USP24: variants seen among roughly 807,000 people sequenced by gnomAD.
The protein encoded by USP24 is ubiquitin carboxyl-terminal hydrolase 24.
A neutral mutation model predicts 361.6 loss-of-function variants in USP24; 97 were observed. The ratio of observed to expected loss-of-function variants is 0.27; its 90% confidence interval spans 0.23 to 0.32. The LOEUF (loss-of-function observed/expected upper bound fraction) is 0.32. Ranked by LOEUF, USP24 falls within the 10% of genes least tolerant of loss-of-function variation. The probability of loss-of-function intolerance (pLI) is 1.00; values close to 1 mark genes in which losing one functional copy is unlikely to be tolerated. For synonymous variants in USP24, 1,098 were observed against 1,124.6 expected, an observed-to-expected ratio of 0.98 and a Z score of 0.47; for missense variants, 2,353 against 3,165.6, an observed-to-expected ratio of 0.74 and a Z score of 6.16.
In USP24 at chr1:55,214,874, G is replaced by A; in HGVS notation, c.240C>T (p.Gly80=). 2 of 1,220,718 alleles carry A rather than the reference G, an allele frequency of 1.6e-6. No homozygotes were observed. The highest frequency in any genetic ancestry group is 2.1e-6 in the Non-Finnish European group (2 of 974,952). The allele number at this position is 1,220,718 out of a possible 1,614,324, so 75.6% of individuals were successfully genotyped here. The part of the protein sequence containing the change: ...PRGDGGGDGG[G]GGPSRGGSTG... ...TGCTCCCGCCGCGGGAGGGGCCGCC[G>A]CCGCCGCCGTCACCTCCGCCGTCGC... Residue 80 remains glycine (G), a synonymous_variant, in exon 1 of 68, where the codon GGC becomes GGT. Transcript: ENST00000294383.
intron 61 of USP24, 84 bp downstream of exon 61, chr1:55,078,454 C>T: frequency 1.0e-6 from 1 of 996,196 alleles, no homozygotes. Flanking sequence ...TGAGAACAAG[C>T]ATACTGCCTT....
chr1:55,168,583 G>C lies in USP24; in HGVS notation c.826-1980C>G, dbSNP rs533111780. Among the ~76,000 whole-genome samples, 130 of 152,138 alleles carry C rather than the reference G, an allele frequency of 8.5e-4. 2 individuals carry two copies. The highest frequency in any genetic ancestry group is 2.9e-3 in the Admixed American group (45 of 15,258). On this transcript the variant is annotated intron_variant, in intron 5 of 67. Transcript: ENST00000294383. Reference sequence around the variant, plus strand: ...AGAAAAGGACATCAACCCCAGGTGGGACAGGGTGACTCAAGAAGGAAATGC... The same window carrying C: ...AGAAAAGGACATCAACCCCAGGTGGCACAGGGTGACTCAAGAAGGAAATGC...
At chr1:55,208,402 C>A (rs570508819) in intron 1 of USP24, among the ~76,000 whole-genome samples, 1 of 152,030 alleles carries the variant, frequency 6.6e-6, no homozygotes, top group Non-Finnish European at 1.5e-5. Flanking sequence ...CTGAGGTTGG[C>A]GGATCACTTG....
intron 48 of USP24, 105 bp from the exon 49 acceptor site, chr1:55,097,277 T>C (rs1001403790): frequency 4.8e-6 from 6 of 1,250,762 alleles, no homozygotes; most frequent in African/African-American, 1.5e-5. Context: ...TAGTTTAAGC[T>C]AGGAACAACT....
At chr1:55,143,612 T>C (rs954883228) in intron 21 of USP24, among the ~76,000 whole-genome samples, 2 of 151,836 alleles carry the variant, frequency 1.3e-5, no homozygotes, top group Non-Finnish European at 2.9e-5. Context: ...AAAAAGGACT[T>C]GGAAAAAGAG....
At chr1:55,206,547 C>T (rs1460350698) in intron 1 of USP24, among the ~76,000 whole-genome samples, 1 of 151,598 alleles carries the variant, frequency 6.6e-6, no homozygotes, top group Non-Finnish European at 1.5e-5. Context: ...TTAGGTTTTA[C>T]CTATACAAGA....
At chr1:55,201,147 T>C (rs1356261105) in intron 1 of USP24, among the ~76,000 whole-genome samples, 3 of 152,192 alleles carry the variant, frequency 2.0e-5, no homozygotes, top group African/African-American at 7.2e-5. Flanking sequence ...CAAAAGTAGA[T>C]TTAAGAGACT....
At chr1:55,077,100 C>A in intron 62 of USP24, 135 bp downstream of exon 62, 1 of 812,184 alleles carries the variant, frequency 1.2e-6, no homozygotes, top group Admixed American at 3.4e-5. Flanking sequence ...ACATGACTGA[C>A]ACGAAGATTT....
intron 58 of USP24, among the ~76,000 whole-genome samples, chr1:55,082,677 CA>C (rs1645175073): frequency 2.0e-5 from 3 of 152,144 alleles, no homozygotes; most frequent in Admixed American, 6.5e-5. Context: ...TCCCAGCTAC[CA>C]GGGGGCTGAG....
At chr1:55,075,613 A>G (rs1191834944) in intron 62 of USP24, 90 bp from the exon 63 acceptor site, 1 of 823,768 alleles carries the variant, frequency 1.2e-6, no homozygotes, top group Non-Finnish European at 1.9e-6. Flanking sequence ...CCAAGAGATT[A>G]ATTTAGTGTT....
rs577638250 is a variant in USP24 at position 55,122,287 on chromosome 1, A to G, written c.4277-781T>C. On this transcript the variant is annotated intron_variant, in intron 36 of 67. Coordinates refer to ENST00000294383, the MANE Select transcript of USP24 (RefSeq NM_015306.3). ...GTAAGCATACTGGAAAGAGGGAACA[A>G]ACAGCCAGTGCAAGGGAAGGAATGT... 8.5e-5 allele frequency among the ~76,000 whole-genome samples: 13 copies of G among 152,260 alleles called. No homozygotes were observed. In the East Asian group the frequency reaches 2.3e-3, roughly 27 times the overall value.
chr1:55,101,074 G>T, intron 43 of USP24, 110 bp from the exon 44 acceptor site: 1 of 1,272,146 alleles, frequency 7.9e-7, no homozygotes, highest in Non-Finnish European at 1.1e-6. Flanking sequence ...TGTTATGTAT[G>T]TTTGGACATG....
intron 38 of USP24, among the ~76,000 whole-genome samples, chr1:55,113,932 AATAAAGG>A (rs1433898601): frequency 6.6e-6 from 1 of 152,198 alleles, no homozygotes; most frequent in African/African-American, 2.4e-5. Context: ...AAGAGAAAGA[AATAAAGG>A]GTATTCAGAT....
At chr1:55,200,844 A>C (rs1312715231) in intron 1 of USP24, among the ~76,000 whole-genome samples, 2 of 152,214 alleles carry the variant, frequency 1.3e-5, no homozygotes, top group Non-Finnish European at 2.9e-5. Context: ...GTCCTACTAA[A>C]GGCTTAAAAA....
In USP24 at chr1:55,083,332, C is replaced by A; in HGVS notation, c.6915G>T (p.Arg2305Ser). Residue 2305 changes from arginine (R) to serine (S), a missense_variant, in exon 58 of 68, where the codon AGG becomes AGT. By Grantham distance (110) the Arg-to-Ser change is moderately radical. Around this residue, in one of 8 missense-constraint regions of USP24, gnomAD observed 598 missense variants for 761.9 expected, o/e 0.78. Transcript: ENST00000294383. ...TGATCATGTGCCGCAGAGCTGAATG[C>A]CTCAGAAGAAGATCTCCAGCCCTAA... ...QGIRAGDLLL[R>S]HSALRHMISF... 1 of 1,613,696 alleles carries A rather than the reference C, an allele frequency of 6.2e-7. No homozygotes were observed. Among genetic ancestry groups the A allele is most frequent in the Non-Finnish European group, 8.5e-7 (1 of 1,179,718 alleles).
chr1:55,171,582 C>G lies in USP24; in HGVS notation c.799G>C (p.Val267Leu). 1 of 1,611,296 alleles carries G rather than the reference C, an allele frequency of 6.2e-7. No homozygotes were observed. Among genetic ancestry groups the G allele is most frequent in the Non-Finnish European group, 8.5e-7 (1 of 1,178,670 alleles). The change falls in exon 5 of 68, where the codon GTT (valine) becomes CTT (leucine). Residue 267 changes from valine to leucine, a missense_variant. By Grantham distance (32) the Val-to-Leu change is conservative. This residue lies in a region of USP24 where 386 missense variants were observed against 560.5 expected (regional missense o/e 0.69). Coordinates refer to ENST00000294383, the MANE Select transcript of USP24 (RefSeq NM_015306.3). ...EVFGEGNMFA[V>L]SPVSTFQKEP... ...TTTTGGAAAGTCGATACAGGTGAAACAGCAAACATATTTCCCTCTCCAAAC... is the reference window on the plus strand; with the variant it reads ...TTTTGGAAAGTCGATACAGGTGAAAGAGCAAACATATTTCCCTCTCCAAAC...
At position 55,092,848 on chromosome 1, in the gene USP24, A is replaced by G; in HGVS notation, c.6423T>C (p.Phe2141=). Residue 2141 remains phenylalanine, a synonymous_variant, in exon 53 of 68, where the codon TTT becomes TTC. Transcript: ENST00000294383. ...RDVYSSDYFS[F]VLSLASLNAT... ...CATTCAATGAAGCTAAAGACAAAAC[A>G]AAACTGAAATAATCACTACTGTATA... is the stretch of plus-strand genomic sequence containing the variant. 1 of 1,599,952 alleles carries G rather than the reference A, an allele frequency of 6.3e-7. No homozygotes were observed. Among genetic ancestry groups the G allele is most frequent in the Non-Finnish European group, 8.5e-7 (1 of 1,174,488 alleles).
chr1:55,078,364 C>T (rs1354803473), intron 61 of USP24, among the ~76,000 whole-genome samples, 174 bp downstream of exon 61: 1 of 151,910 alleles, frequency 6.6e-6, no homozygotes, highest in Admixed American at 6.5e-5. Context: ...AGTAATTAAT[C>T]CATGTAATTA....
At chr1:55,200,601 T>C (rs1644544253) in intron 1 of USP24, among the ~76,000 whole-genome samples, 1 of 152,188 alleles carries the variant, frequency 6.6e-6, no homozygotes, top group Admixed American at 6.5e-5. Context: ...CAAAATAAGC[T>C]CACTTGGATT....
Sources: gnomAD v4.1 joint callset for allele counts (sites outside exome capture counted in the v4.1 genomes callset) on GRCh38, gnomAD v4.1.1 for gene constraint, gnomAD v4.1.1 regional missense constraint, MANE v1.5 for transcripts, NCBI Gene and HGNC (gene_info 2026-07-23, HGNC 2026-07-21) for gene names.